LIG1: variants seen among roughly 807,000 people sequenced by gnomAD.
LIG1 encodes DNA ligase 1.
Under a neutral mutation model 115.7 loss-of-function variants are expected in LIG1, and 70 were observed. That is an observed-to-expected ratio of 0.60 (90% confidence interval 0.50 to 0.74). The LOEUF is 0.74. Ranked by LOEUF, LIG1 falls within the 30% of genes least tolerant of loss-of-function variation. The pLI is 0.00. For missense variants in LIG1, 1,115 were observed against 1,225.6 expected (o/e 0.91, Z 1.35); for synonymous variants, 487 against 495.3 (o/e 0.98, Z 0.22).
At position 48,161,475 on chromosome 19, in the gene LIG1, G is replaced by A. The variant is rs41555118; in HGVS notation, c.140C>T (p.Ser47Phe). 9.0e-4 allele frequency: 1,453 copies of A among 1,614,126 alleles called. 8 individuals are homozygous for A. In the Middle Eastern group the frequency reaches 0.01, roughly 11 times the overall value. The stretch of plus-strand genomic sequence containing the variant: ...CCTCTTCACCGGAGAGTCACTCTCG[G>A]ACACCACTCCATTCCACTCCTTCAG... ...AALKEWNGVV[S>F]ESDSPVKRPG... Residue 47 changes from serine (S) to phenylalanine (F), a missense_variant, in exon 4 of 28, where the codon TCC becomes TTC. Coordinates refer to ENST00000263274, the MANE Select transcript of LIG1 (RefSeq NM_000234.3).
At chr19:48,127,029 A>G in intron 21 of LIG1, 1 of 530,414 alleles carries the variant, frequency 1.9e-6, no homozygotes, top group Non-Finnish European at 3.4e-6. Context: ...TTCTCGTTGC[A>G]GGACCTGAGG....
intron 7 of LIG1, among the ~76,000 whole-genome samples, chr19:48,150,459 G>A (rs1016169306): frequency 2.3e-4 from 35 of 151,994 alleles, no homozygotes; most frequent in Non-Finnish European, 3.8e-4. Flanking sequence ...AAATCTCATC[G>A]TCATGAGAAG....
chr19:48,127,310 C>T lies in LIG1; in HGVS notation c.1971G>A (p.Leu657=), dbSNP rs1308304656. The T allele has an allele frequency of 1.2e-6, 2 of 1,613,772 alleles. No homozygotes were observed. Among genetic ancestry groups the T allele is most frequent in the South Asian group, 1.1e-5 (1 of 91,090 alleles). Residue 657 remains leucine (L), a synonymous_variant, in exon 21 of 28, where the codon TTG becomes TTA. Coordinates refer to ENST00000263274, the MANE Select transcript of LIG1 (RefSeq NM_000234.3). ...DASEIQVQVC[L]YAFDLIYLNG... ...TGAGGTAGATGAGGTCGAAGGCGTA[C>T]AAACACACCTGCACCTGGATCTCAG...
chr19:48,143,150 A>AG (rs1046174992), intron 11 of LIG1, among the ~76,000 whole-genome samples: 1 of 152,176 alleles, frequency 6.6e-6, no homozygotes, highest in African/African-American at 2.4e-5. Context: ...GTGAATGAGT[A>AG]GGGGGTCCTC....
intron 24 of LIG1, chr19:48,120,714 C>T: frequency 2.8e-6 from 1 of 361,526 alleles, no homozygotes; most frequent in Non-Finnish European, 3.9e-6. Flanking sequence ...TTTGCTCTTC[C>T]CTGGTGCGTG....
chr19:48,166,517 G>A (rs1406358383), intron 1 of LIG1, among the ~76,000 whole-genome samples: 3 of 152,070 alleles, frequency 2.0e-5, no homozygotes, highest in African/African-American at 4.8e-5. Context: ...GACGCTGGAG[G>A]GAGATTTTTT....
chr19:48,150,048 T>G, intron 8 of LIG1, 40 bp downstream of exon 8: 1 of 1,613,842 alleles, frequency 6.2e-7, no homozygotes, highest in Non-Finnish European at 8.5e-7. Context: ...GCCTCCTGCC[T>G]GTACAACCCC....
At chr19:48,119,918 T>C (rs2033152592) in intron 24 of LIG1, among the ~76,000 whole-genome samples, 1 of 152,212 alleles carries the variant, frequency 6.6e-6, no homozygotes, top group Admixed American at 6.5e-5. Context: ...GCAGTAATGC[T>C]GGATGCTGGC....
intron 5 of LIG1, 197 bp from the exon 6 acceptor site, chr19:48,154,164 T>C: frequency 1.6e-6 from 1 of 619,972 alleles, no homozygotes. Flanking sequence ...TTGGGCAGGT[T>C]ACTTAATTTC....
intron 24 of LIG1, 91 bp downstream of exon 24, chr19:48,121,079 C>A (rs563410447): frequency 1.9e-6 from 3 of 1,606,050 alleles, no homozygotes; most frequent in East Asian, 2.2e-5. Context: ...GATGTGAGCA[C>A]CCCTCGGTCT....
chr19:48,155,787 G>A (rs952833575), intron 5 of LIG1, among the ~76,000 whole-genome samples: 3 of 152,060 alleles, frequency 2.0e-5, no homozygotes, highest in African/African-American at 2.4e-5. Context: ...GATTTTCATC[G>A]GCAACATGAT....
rs1343090387 is a variant in LIG1 at position 48,170,340 on chromosome 19, C to A, written c.-157G>T. 1 of 436,764 alleles carries A rather than the reference C, an allele frequency of 2.3e-6. No homozygotes were observed. The highest frequency in any genetic ancestry group is 4.6e-6 in the Non-Finnish European group (1 of 217,472). The allele number at this position is 436,764 out of a possible 1,614,324, so 27.1% of individuals were successfully genotyped here. A position where few individuals can be genotyped will look rare whatever the true frequency, so the allele number is the denominator to read the frequency against. Reference sequence around the variant, plus strand: ...TCGCGCCACGGCATTCGCGCGCAGACGTCTGCGGGCGGGGGCGGGGCAGAG... The same window carrying A: ...TCGCGCCACGGCATTCGCGCGCAGAAGTCTGCGGGCGGGGGCGGGGCAGAG... On this transcript the variant is annotated 5_prime_UTR_variant, in exon 1 of 28. Transcript: ENST00000263274.
intron 3 of LIG1, 27 bp downstream of exon 3, chr19:48,162,235 T>A: frequency 6.3e-7 from 1 of 1,584,610 alleles, no homozygotes; most frequent in Middle Eastern, 1.7e-4. Flanking sequence ...AGGAAAAAAT[T>A]CACCATATCC....
intron 9 of LIG1, among the ~76,000 whole-genome samples, chr19:48,147,626 C>T (rs1219713425): frequency 6.7e-6 from 1 of 149,898 alleles, no homozygotes; most frequent in Non-Finnish European, 1.5e-5. Context: ...GCCTGGGTAA[C>T]AGAGCAAGAC....
chr19:48,163,081 AT>A (rs906943463), intron 2 of LIG1, among the ~76,000 whole-genome samples: 3 of 150,442 alleles, frequency 2.0e-5, no homozygotes, highest in South Asian at 4.2e-4. Flanking sequence ...CGCCCAGCTA[AT>A]TTTTTTTGTA....
Position 48,126,570 on chromosome 19 carries a change from C to T in LIG1, c.2004+707G>A, listed in dbSNP as rs930531385. ...GTAGTGAGCTGAGATCTCACCACTG[C>T]ACTCCAGCCTGGGTGACTGAGCAAG... is the stretch of plus-strand genomic sequence containing the variant. On this transcript the variant is annotated intron_variant, in intron 21 of 27. Transcript: ENST00000263274. Among the ~76,000 whole-genome samples, 6 of 149,780 alleles carry T rather than the reference C, an allele frequency of 4.0e-5. No individual in the cohort carries two copies. The East Asian group carries it at 1.2e-3, about 29-fold the overall frequency.
intron 17 of LIG1, chr19:48,133,584 C>A (rs917314343): frequency 3.0e-6 from 1 of 328,932 alleles, no homozygotes; most frequent in Middle Eastern, 1.1e-3. Context: ...TCTGGCCTGA[C>A]CCACTGCCTT....
rs368088071 is a variant in LIG1, at chr19:48,131,100, C to T, written c.1797G>A (p.Pro599=). 36 of 1,613,974 alleles carry T rather than the reference C, an allele frequency of 2.2e-5. No homozygotes were observed. In the East Asian group the frequency reaches 4.5e-4, roughly 20 times the overall value. Residue 599 remains proline, a synonymous_variant, in exon 19 of 28, where the codon CCG becomes CCA. Transcript: ENST00000263274. ...RNQEDNTGKY[P]DIISRIPKIK... is the part of the protein sequence containing the mutation. ...CCTTGGGGATGCGGCTGATGATGTC[C>T]GGGTACTTCCCAGTGTTGTCTTCCT...
intron 14 of LIG1, 73 bp from the exon 15 acceptor site, chr19:48,136,198 T>A: frequency 1.7e-6 from 2 of 1,150,630 alleles, no homozygotes; most frequent in Non-Finnish European, 2.5e-6. Context: ...TTCTCTGATC[T>A]CCTCGACCTT....
Sources: allele counts gnomAD v4.1 joint callset (sites outside exome capture counted in the v4.1 genomes callset), GRCh38; gene constraint gnomAD v4.1.1; transcripts MANE v1.5; gene names NCBI Gene and HGNC (gene_info 2026-07-23, HGNC 2026-07-21).